ANXA6: variants seen among roughly 807,000 people sequenced by gnomAD.
The protein encoded by ANXA6 is annexin A6.
In ANXA6, 71 loss-of-function variants were observed where a neutral mutation model predicts 95.4. The observed-to-expected ratio is 0.74, with a 90% confidence interval of 0.61 to 0.91. ANXA6 has a LOEUF of 0.91. ANXA6 is among the 40% of genes least tolerant of loss of function. The pLI is 0.00. For missense variants in ANXA6, 830 were observed against 876.4 expected (o/e 0.95, Z 0.67); for synonymous variants, 289 against 315.9 (o/e 0.91, Z 0.90).
At position 151,101,330 on chromosome 5, in the gene ANXA6, A is replaced by ACCCCCCCCCCCCCCCCCCCCC; in HGVS notation, c.*117_*118insGGGGGGGGGGGGGGGGGGGGG. ...CCACTGAAGATAAGAGCCCAACCCA[A>ACCCCCCCCCCCCCCCCCCCCC]CCCCTCCCCCCACCCCTGCCCCTTC... On this transcript the variant is annotated 3_prime_UTR_variant, in exon 26 of 26. Coordinates refer to ENST00000354546, the MANE Select transcript of ANXA6 (RefSeq NM_001155.5). The ACCCCCCCCCCCCCCCCCCCCC allele has an allele frequency of 2.6e-6, 1 of 385,870 alleles. No individual in the cohort carries two copies. The highest frequency in any genetic ancestry group is 5.2e-6 in the Non-Finnish European group (1 of 190,630). 23.9% of individuals were successfully genotyped at this position (385,870 alleles called of 1,614,324 possible).
At position 151,101,272 on chromosome 5, in the gene ANXA6, A is replaced by T; in HGVS notation, c.*176T>A. On this transcript the variant is annotated 3_prime_UTR_variant, in exon 26 of 26. Coordinates refer to ENST00000354546, the MANE Select transcript of ANXA6 (RefSeq NM_001155.5). ...GCCGCTCAGCCGTGCTGGGCCCTCG[A>T]TGGCCCGTGGGAGTGGGAGCGTTTC... 1 of 657,052 alleles carries T rather than the reference A, an allele frequency of 1.5e-6. No individual in the cohort carries two copies. The highest frequency in any genetic ancestry group is 1.8e-5 in the South Asian group (1 of 56,686). The allele number at this position is 657,052 out of a possible 1,614,324, so 40.7% of individuals were successfully genotyped here. A position where few individuals can be genotyped will look rare whatever the true frequency, so the allele number is the denominator to read the frequency against.
chr5:151,132,850 G>T (rs192188952), intron 9 of ANXA6, among the ~76,000 whole-genome samples: 77 of 151,844 alleles, frequency 5.1e-4, no homozygotes, highest in African/African-American at 1.8e-3. Flanking sequence ...TTTGCTGAGG[G>T]ACTATACAAA....
In ANXA6 at chr5:151,103,699, G is replaced by T; in HGVS notation, c.1840-7C>A. 6.2e-7 allele frequency: 1 copy of T among 1,606,534 alleles called. No homozygotes were observed. The highest frequency in any genetic ancestry group is 8.5e-7 in the Non-Finnish European group (1 of 1,176,610). ...TCTCATCTGTGCCAGCACCCTGGTG[G>T]AGCCAGGCAGGAGGGAGACACAGGC... On this transcript the variant is annotated splice_region_variant and splice_polypyrimidine_tract_variant and intron_variant, in intron 24 of 25. Transcript: ENST00000354546.
At chr5:151,141,606 C>T (rs762817008) in intron 2 of ANXA6, 4 of 985,526 alleles carry the variant, frequency 4.1e-6, no homozygotes, top group African/African-American at 1.7e-5. Flanking sequence ...TGCCTCCCAA[C>T]GTCTGCACTG....
chr5:151,156,979 G>C (rs186136178), intron 1 of ANXA6, among the ~76,000 whole-genome samples: 56 of 152,304 alleles, frequency 3.7e-4, no homozygotes, highest in African/African-American at 1.3e-3. Flanking sequence ...TCCCATGCTG[G>C]TATATGGGGA....
chr5:151,122,930 G>A lies in ANXA6; in HGVS notation c.1220C>T (p.Ser407Phe), dbSNP rs1765211388. ...GGAGGTCCTTACCCGGCCAAAGTGA[G>A]ACTTGAAGGTCTGCCGGATCTGCTG... ...QRQQIRQTFK[S>F]HFGRDLMTDL... The change falls in exon 16 of 26, where the codon TCT (serine) becomes TTT (phenylalanine). Residue 407 changes from serine (S) to phenylalanine (F), a missense_variant. Coordinates refer to ENST00000354546, the MANE Select transcript of ANXA6 (RefSeq NM_001155.5). The A allele has an allele frequency of 1.1e-5, 18 of 1,613,964 alleles. No individual in the cohort carries two copies. In the East Asian group the frequency reaches 4.0e-4, roughly 36 times the overall value.
intron 23 of ANXA6, among the ~76,000 whole-genome samples, chr5:151,106,927 C>A (rs1184670025): frequency 6.6e-6 from 1 of 152,044 alleles, no homozygotes; most frequent in East Asian, 1.9e-4. Flanking sequence ...TATACCTGTT[C>A]AAGGTGGGAG....
intron 15 of ANXA6, 144 bp from the exon 16 acceptor site, chr5:151,123,155 C>T (rs1175748315): frequency 2.8e-5 from 19 of 689,398 alleles, no homozygotes; most frequent in Middle Eastern, 2.4e-4. Flanking sequence ...CCCTGCAGTC[C>T]GCTTGCCTAT....
chr5:151,153,905 C>G (rs928745407), intron 1 of ANXA6, among the ~76,000 whole-genome samples: 3 of 152,136 alleles, frequency 2.0e-5, no homozygotes, highest in African/African-American at 4.8e-5. Flanking sequence ...TAATTTTACA[C>G]TTTTTAGAAA....
At chr5:151,114,193 T>G (rs1279803008) in intron 20 of ANXA6, among the ~76,000 whole-genome samples, 1 of 152,140 alleles carries the variant, frequency 6.6e-6, no homozygotes, top group Non-Finnish European at 1.5e-5. Flanking sequence ...TGAAAAAATG[T>G]TCTAAAATTG....
chr5:151,112,082 C>A (rs535789905), intron 20 of ANXA6, among the ~76,000 whole-genome samples: 1 of 152,134 alleles, frequency 6.6e-6, no homozygotes, highest in Non-Finnish European at 1.5e-5. Flanking sequence ...AGGCACTGCA[C>A]CTGGTCAGCA....
intron 18 of ANXA6, 79 bp downstream of exon 18, chr5:151,119,221 G>T: frequency 8.3e-7 from 1 of 1,199,740 alleles, no homozygotes; most frequent in Non-Finnish European, 1.2e-6. Flanking sequence ...AGAGTCCTGG[G>T]CAGAGCTGTG....
chr5:151,156,447 A>C (rs1391966655), intron 1 of ANXA6, among the ~76,000 whole-genome samples: 1 of 152,166 alleles, frequency 6.6e-6, no homozygotes, highest in Non-Finnish European at 1.5e-5. Context: ...ACAGGGGCTG[A>C]AACTGGGGCG....
At chr5:151,132,301 C>T (rs929576925) in intron 10 of ANXA6, among the ~76,000 whole-genome samples, 175 bp downstream of exon 10, 7 of 152,170 alleles carry the variant, frequency 4.6e-5, no homozygotes, top group East Asian at 1.9e-4. Context: ...ACCCCCTTCC[C>T]GTCCCCAGCC....
intron 25 of ANXA6, among the ~76,000 whole-genome samples, 168 bp downstream of exon 25, chr5:151,103,402 T>G (rs990704438): frequency 1.3e-5 from 2 of 152,240 alleles, no homozygotes; most frequent in African/African-American, 4.8e-5. Context: ...TCTTTTGGAA[T>G]TGATTTCGGT....
chr5:151,109,245 T>C (rs1174871863), intron 22 of ANXA6, among the ~76,000 whole-genome samples: 1 of 152,184 alleles, frequency 6.6e-6, no homozygotes, highest in East Asian at 1.9e-4. Flanking sequence ...TTTAATGTAG[T>C]GCCAGACATT....
intron 24 of ANXA6, among the ~76,000 whole-genome samples, chr5:151,104,898 G>A (rs1764653204): frequency 6.6e-6 from 1 of 152,216 alleles, no homozygotes; most frequent in Non-Finnish European, 1.5e-5. Flanking sequence ...TGGCATTTGG[G>A]GCTGGATAAT....
Position 151,117,111 on chromosome 5 carries a change from G to A in ANXA6, c.1572+16C>T, listed in dbSNP as rs746620207. On this transcript the variant is annotated intron_variant, in intron 20 of 25. Coordinates refer to ENST00000354546, the MANE Select transcript of ANXA6 (RefSeq NM_001155.5). ...GACACCCGGCAGAGGTGACTGGGGT[G>A]GGCTGGGGGTCTTACCTGGGCATCT... 6 of 1,579,676 alleles carry A rather than the reference G, an allele frequency of 3.8e-6. No homozygotes were observed. In the East Asian group the frequency reaches 1.2e-4, roughly 31 times the overall value.
At chr5:151,146,360 C>T (rs185224795) in intron 2 of ANXA6, among the ~76,000 whole-genome samples, 2 of 152,300 alleles carry the variant, frequency 1.3e-5, no homozygotes, top group Admixed American at 1.3e-4. Flanking sequence ...ACATTTTCTC[C>T]TCCTGGTCAG....
Sources: gnomAD v4.1 joint callset for allele counts (sites outside exome capture counted in the v4.1 genomes callset) on GRCh38, gnomAD v4.1.1 for gene constraint, MANE v1.5 for transcripts, NCBI Gene and HGNC (gene_info 2026-07-23, HGNC 2026-07-21) for gene names.